PCDHA2: variants seen among roughly 807,000 people sequenced by gnomAD.
PCDHA2 encodes the protein protocadherin alpha 2, also known as protocadherin alpha-2.
PCDHA2 carries 58 observed loss-of-function variants against 66.0 expected under a neutral mutation model. The ratio of observed to expected loss-of-function variants is 0.88; its 90% CI spans 0.71 to 1.09. The LOEUF (loss-of-function observed/expected upper bound fraction) is 1.09. Among genes scored for constraint, PCDHA2 ranks in the 50% least tolerant of loss-of-function variants. The probability of loss-of-function intolerance (pLI) is 0.00; values close to 1 mark genes in which losing one functional copy is unlikely to be tolerated. For missense variants in PCDHA2, 1,267 were observed against 1,242.3 expected (o/e 1.02, Z -0.30); for synonymous variants, 634 against 554.0 (o/e 1.14, Z -2.03).
intron 1 of PCDHA2, chr5:140,802,692 G>T (rs1268823463): frequency 2.5e-6 from 4 of 1,612,888 alleles, no homozygotes; most frequent in Non-Finnish European, 2.5e-6. Context: ...GGAACGGCGG[G>T]TGGGGGAGCG....
intron 1 of PCDHA2, chr5:140,809,207 C>A (rs782769972): frequency 1.2e-6 from 2 of 1,614,052 alleles, no homozygotes; most frequent in Admixed American, 3.3e-5. Context: ...GGAGAGTGGA[C>A]AGGCGCCAAA....
At chr5:140,927,899 A>G (rs1554205221) in intron 1 of PCDHA2, 2 of 1,614,194 alleles carry the variant, frequency 1.2e-6, no homozygotes, top group Admixed American at 1.7e-5. Context: ...GTGAACGATC[A>G]TGCCCCCGAA....
chr5:140,875,651 T>A lies in PCDHA2; in HGVS notation c.2388+78299T>A, dbSNP rs782085221. The A allele has an allele frequency of 5.1e-5, 83 of 1,613,604 alleles. 1 individual carries two copies. The South Asian group carries it at 8.5e-4, about 16-fold the overall frequency. On this transcript the variant is annotated intron_variant, in intron 1 of 3. Coordinates refer to ENST00000526136, the MANE Select transcript of PCDHA2 (RefSeq NM_018905.3). Reference sequence around the variant, plus strand: ...CTGGGGCTGGAGCTGGCGGAGCTGGTGCCGCGCCTGTTCCGGGTGGCGTCC... The same window carrying A: ...CTGGGGCTGGAGCTGGCGGAGCTGGAGCCGCGCCTGTTCCGGGTGGCGTCC...
chr5:140,818,100 T>C (rs1361463001), intron 1 of PCDHA2, among the ~76,000 whole-genome samples: 1 of 152,252 alleles, frequency 6.6e-6, no homozygotes, highest in Non-Finnish European at 1.5e-5. Context: ...TGTGGGTTGA[T>C]AATATTTTAT....
chr5:140,828,715 C>T, intron 1 of PCDHA2: 1 of 1,614,274 alleles, frequency 6.2e-7, no homozygotes, highest in Non-Finnish European at 8.5e-7. Flanking sequence ...CTCCTGCACA[C>T]AACTTATTCC....
intron 1 of PCDHA2, chr5:140,882,602 A>T: frequency 6.2e-7 from 1 of 1,614,276 alleles, no homozygotes; most frequent in Non-Finnish European, 8.5e-7. Flanking sequence ...GATCGTGGAC[A>T]GGCCTCTGCA....
chr5:140,871,022 A>ACT, intron 1 of PCDHA2: 1 of 1,613,114 alleles, frequency 6.2e-7, no homozygotes, highest in Non-Finnish European at 8.5e-7. Flanking sequence ...GACGAGGCAG[A>ACT]CTCGCCGCGC....
At chr5:140,881,361 C>A (rs990387338) in intron 1 of PCDHA2, 6 of 985,126 alleles carry the variant, frequency 6.1e-6, no homozygotes, top group Non-Finnish European at 7.2e-6. Context: ...GCGTGGCTTT[C>A]GTATGAATTG....
chr5:140,858,262 G>A lies in PCDHA2; in HGVS notation c.2388+60910G>A. On this transcript the variant is annotated intron_variant, in intron 1 of 3. Coordinates refer to ENST00000526136, the MANE Select transcript of PCDHA2 (RefSeq NM_018905.3). Reference sequence around the variant, plus strand: ...GTGGGCCGGTGAAGCCCACGCTGGTGTGCTCTAGCGCGGTGGGGAGCTGGT... The same window carrying A: ...GTGGGCCGGTGAAGCCCACGCTGGTATGCTCTAGCGCGGTGGGGAGCTGGT... 2 of 1,597,236 alleles carry A rather than the reference G, an allele frequency of 1.3e-6. 1 individual carries two copies.
chr5:140,971,035 C>T (rs1251023371), intron 1 of PCDHA2, among the ~76,000 whole-genome samples: 1 of 152,098 alleles, frequency 6.6e-6, no homozygotes, highest in African/African-American at 2.4e-5. Flanking sequence ...TTTGAAAGCA[C>T]GTAAAAGGGT....
chr5:140,911,455 C>G (rs1266220741), intron 1 of PCDHA2, among the ~76,000 whole-genome samples: 3 of 152,132 alleles, frequency 2.0e-5, no homozygotes, highest in African/African-American at 7.2e-5. Flanking sequence ...AGCTCTTTCT[C>G]TACAGGAGAT....
chr5:140,817,146 C>T (rs2126678028), intron 1 of PCDHA2: 109 of 152,324 alleles, frequency 7.2e-4, no homozygotes, highest in African/African-American at 2.5e-3. Flanking sequence ...TGCCAGGTTC[C>T]ATCAGTGCTC....
intron 1 of PCDHA2, among the ~76,000 whole-genome samples, chr5:140,898,029 TG>T (rs1583292931): frequency 6.6e-6 from 1 of 152,188 alleles, no homozygotes; most frequent in East Asian, 1.9e-4. Context: ...CACTTTTTGA[TG>T]GGGTTGTTTG....
In PCDHA2 at chr5:140,870,873, G is replaced by A. The variant is rs782065354; in HGVS notation, c.2388+73521G>A. 5 of 1,613,840 alleles carry A rather than the reference G, an allele frequency of 3.1e-6. No individual in the cohort carries two copies. The Admixed American group carries it at 5.0e-5, about 16-fold the overall frequency. On this transcript the variant is annotated intron_variant, in intron 1 of 3. Transcript: ENST00000526136. ...GGTCGGTGGGTGCGGGCCACGTGGTGGCGAAGGTGCGCGCAGTGGATGCGG... is the reference window on the plus strand; with the variant it reads ...GGTCGGTGGGTGCGGGCCACGTGGTAGCGAAGGTGCGCGCAGTGGATGCGG...
At chr5:140,913,003 T>C (rs1049022016) in intron 1 of PCDHA2, among the ~76,000 whole-genome samples, 29 of 152,204 alleles carry the variant, frequency 1.9e-4, no homozygotes, top group African/African-American at 7.0e-4. Flanking sequence ...TAGTATTTTG[T>C]TGAGGATTTT....
chr5:140,841,770 C>G (rs148555729), intron 1 of PCDHA2: 4 of 1,613,798 alleles, frequency 2.5e-6, no homozygotes, highest in African/African-American at 1.3e-5. Flanking sequence ...ATGCCAGACT[C>G]TCGGTTTCCG....
intron 1 of PCDHA2, chr5:140,848,493 G>A (rs2150411274): frequency 7.0e-6 from 11 of 1,576,596 alleles, no homozygotes; most frequent in Middle Eastern, 3.4e-4. Context: ...CTGAGTATTT[G>A]AAATGTTATA....
intron 1 of PCDHA2, chr5:140,967,751 T>G: frequency 6.2e-7 from 1 of 1,614,138 alleles, no homozygotes; most frequent in African/African-American, 1.3e-5. Context: ...TGAGGAAGCC[T>G]CCTCCTACCA....
Position 140,871,315 on chromosome 5 carries a change from CT to C in PCDHA2, c.2388+73964del, listed in dbSNP as rs1352668242. On this transcript the variant is annotated intron_variant, in intron 1 of 3. Transcript: ENST00000526136. ...CGCGTGCGCGCCGGGGAAGCCCACGCTGGTGTGCTCCCGCGCGGTGGGGAGC... is the reference window on the plus strand; with the variant it reads ...CGCGTGCGCGCCGGGGAAGCCCACGCGGTGTGCTCCCGCGCGGTGGGGAGC... The C allele has an allele frequency of 8.1e-6, 13 of 1,613,928 alleles. No homozygotes were observed. In the Admixed American group the frequency reaches 2.0e-4, roughly 25 times the overall value.
Sources: gnomAD v4.1 joint callset for allele counts (sites outside exome capture counted in the v4.1 genomes callset) on GRCh38, gnomAD v4.1.1 for gene constraint, MANE v1.5 for transcripts, NCBI Gene and HGNC (gene_info 2026-07-23, HGNC 2026-07-21) for gene names.